MTHFD1L: variants seen among roughly 807,000 people sequenced by gnomAD.
MTHFD1L encodes the protein monofunctional C1-tetrahydrofolate synthase, mitochondrial.
Under a neutral mutation model 119.5 loss-of-function variants are expected in MTHFD1L, and 81 were observed. The ratio of observed to expected loss-of-function variants is 0.68; its 90% CI spans 0.57 to 0.82. The LOEUF (loss-of-function observed/expected upper bound fraction) is 0.82. Ranked by LOEUF, MTHFD1L falls within the 40% of genes least tolerant of loss-of-function variation. MTHFD1L has a pLI of 0.00. For missense variants in MTHFD1L, 1,125 were observed against 1,253.4 expected (o/e 0.90, Z 1.55); for synonymous variants, 430 against 475.2 (o/e 0.90, Z 1.24).
rs1231450447 is a variant in MTHFD1L, at chr6:150,922,254, G to A, written c.1034G>A (p.Arg345Gln). Residue 345 changes from arginine (R) to glutamine (Q), a missense_variant, in exon 10 of 28, where the codon CGG (arginine) becomes CAG (glutamine). By Grantham distance (43) the Arg-to-Gln change is conservative (BLOSUM62 1). Coordinates refer to ENST00000367321, the MANE Select transcript of MTHFD1L (RefSeq NM_015440.5). ...TGGCTTCGTGAACAGCAGCACAGGC[G>A]GTGGAGACTTCACTGCTTGAAACTT... is the stretch of plus-strand genomic sequence containing the variant. ...RRWLREQQHR[R>Q]WRLHCLKLQP... 6.8e-6 allele frequency: 11 copies of A among 1,613,940 alleles called. No homozygotes were observed. The highest frequency in any genetic ancestry group is 2.7e-5 in the African/African-American group (2 of 74,916).
intron 26 of MTHFD1L, among the ~76,000 whole-genome samples, chr6:151,052,255 G>T (rs1789175068): frequency 1.3e-5 from 2 of 152,194 alleles, no homozygotes; most frequent in African/African-American, 4.8e-5. Flanking sequence ...GGCCAGAGCT[G>T]AAAATTGGGG....
At chr6:151,016,140 C>A (rs990263212) in intron 24 of MTHFD1L, among the ~76,000 whole-genome samples, 2 of 152,088 alleles carry the variant, frequency 1.3e-5, no homozygotes, top group Non-Finnish European at 2.9e-5. Flanking sequence ...ATGACAAAGT[C>A]ACATTTCCAA....
At chr6:150,998,416 T>C (rs1780124629) in intron 20 of MTHFD1L, among the ~76,000 whole-genome samples, 1 of 152,158 alleles carries the variant, frequency 6.6e-6, no homozygotes, top group Admixed American at 6.6e-5. Context: ...CTAAGTTACA[T>C]TAATGGTACC....
rs1038253768 is a variant in MTHFD1L, at chr6:150,998,839, C to A, written c.2126-10980C>A. On this transcript the variant is annotated intron_variant, in intron 20 of 27. Coordinates refer to ENST00000367321, the MANE Select transcript of MTHFD1L (RefSeq NM_015440.5). Reference sequence around the variant, plus strand: ...TAAAAATACAAAAAAAAAAAAAAAACATTAGCTGGGCACGGTGGCACACAC... The same window carrying A: ...TAAAAATACAAAAAAAAAAAAAAAAAATTAGCTGGGCACGGTGGCACACAC... 1.9e-4 allele frequency among the ~76,000 whole-genome samples: 23 copies of A among 119,758 alleles called. No individual in the cohort carries two copies. In the East Asian group the frequency reaches 3.1e-3, roughly 16 times the overall value. 78.6% of individuals were successfully genotyped at this position (119,758 alleles called of 152,430 possible).
At position 150,926,119 on chromosome 6, in the gene MTHFD1L, C is replaced by T; in HGVS notation, c.1083-3C>T. ...CTCTCTTTCGTATTGTCTTTCCCCT[C>T]AGTGACATTGAGATTTCAAGAGGAC... On this transcript the variant is annotated splice_region_variant and splice_polypyrimidine_tract_variant and intron_variant, in intron 10 of 27. Coordinates refer to ENST00000367321, the MANE Select transcript of MTHFD1L (RefSeq NM_015440.5). This position sits in a 1 kb window ranked among gnomAD's most constrained non-coding sequence, Gnocchi z 4.3. 6.2e-7 allele frequency: 1 copy of T among 1,611,892 alleles called. No homozygotes were observed. The highest frequency in any genetic ancestry group is 1.1e-5 in the South Asian group (1 of 90,916).
intron 26 of MTHFD1L, among the ~76,000 whole-genome samples, chr6:151,060,053 C>A (rs1462228675): frequency 1.3e-5 from 2 of 152,126 alleles, no homozygotes; most frequent in Non-Finnish European, 2.9e-5. Context: ...GGGAAGCAAC[C>A]CTGCCATAAA....
intron 26 of MTHFD1L, 135 bp downstream of exon 26, chr6:151,037,252 A>G (rs1786323554): frequency 3.1e-6 from 3 of 974,196 alleles, no homozygotes; most frequent in East Asian, 2.5e-5. Flanking sequence ...AGTATTCGCT[A>G]TTTTTCTAAA....
chr6:151,073,328 G>T (rs1309598720), intron 26 of MTHFD1L, among the ~76,000 whole-genome samples: 1 of 152,238 alleles, frequency 6.6e-6, no homozygotes, highest in African/African-American at 2.4e-5. Context: ...AGGGAACAGT[G>T]CCTGCCTCCC....
At chr6:151,043,555 A>AT (rs1429053872) in intron 26 of MTHFD1L, among the ~76,000 whole-genome samples, 1 of 152,088 alleles carries the variant, frequency 6.6e-6, no homozygotes, top group Non-Finnish European at 1.5e-5. Context: ...ACAACAATGC[A>AT]TTTTCATAAC....
chr6:150,909,500 C>T (rs1786505516), intron 8 of MTHFD1L, among the ~76,000 whole-genome samples: 1 of 152,104 alleles, frequency 6.6e-6, no homozygotes, highest in African/African-American at 2.4e-5. Flanking sequence ...GCCTCCACCT[C>T]CAAAAAGTGC....
chr6:150,975,192 T>C (rs997242719), intron 20 of MTHFD1L, among the ~76,000 whole-genome samples: 3 of 152,262 alleles, frequency 2.0e-5, no homozygotes, highest in African/African-American at 7.2e-5. Flanking sequence ...AAATATATTT[T>C]AATGTCTAAA....
At chr6:151,050,928 G>A (rs774677112) in intron 26 of MTHFD1L, among the ~76,000 whole-genome samples, 5 of 152,084 alleles carry the variant, frequency 3.3e-5, no homozygotes, top group Non-Finnish European at 7.4e-5. Flanking sequence ...CCTCCCTCCT[G>A]GCACAAGGAT....
intron 1 of MTHFD1L, chr6:150,866,666 G>T (rs983939605): frequency 2.5e-6 from 3 of 1,185,982 alleles, no homozygotes; most frequent in Non-Finnish European, 3.1e-6. Context: ...CAGCCGCCGG[G>T]GGGAATCCGA....
At chr6:151,027,428 C>T (rs368705160) in intron 24 of MTHFD1L, among the ~76,000 whole-genome samples, 22 of 152,258 alleles carry the variant, frequency 1.4e-4, no homozygotes, top group African/African-American at 5.1e-4. Flanking sequence ...TGGGATCCTA[C>T]TTTGTGCAGG....
chr6:150,997,277 G>A (rs1158382271), intron 20 of MTHFD1L, among the ~76,000 whole-genome samples: 1 of 152,338 alleles, frequency 6.6e-6, no homozygotes, highest in African/African-American at 2.4e-5. Flanking sequence ...GGACAAGGGT[G>A]TAGGTTGCTC....
chr6:150,999,929 A>G (rs1451041520), intron 20 of MTHFD1L, among the ~76,000 whole-genome samples: 1 of 152,208 alleles, frequency 6.6e-6, no homozygotes, highest in Non-Finnish European at 1.5e-5. Flanking sequence ...CTTTTCCCAA[A>G]TACGTCCCCA....
intron 20 of MTHFD1L, among the ~76,000 whole-genome samples, chr6:150,985,919 C>T (rs577153327): frequency 6.6e-4 from 100 of 152,152 alleles, no homozygotes; most frequent in African/African-American, 2.1e-3. Flanking sequence ...AGAGAATCTT[C>T]GGTGGCATTA....
At chr6:150,947,759 C>T (rs541945737) in intron 15 of MTHFD1L, among the ~76,000 whole-genome samples, 129 of 152,252 alleles carry the variant, frequency 8.5e-4, no homozygotes, top group African/African-American at 2.2e-3. Context: ...TTCTGAGCAG[C>T]GTACATGGTG....
At chr6:151,046,471 G>GTGTGTATA (rs1171603108) in intron 26 of MTHFD1L, among the ~76,000 whole-genome samples, 5 of 36,448 alleles carry the variant, frequency 1.4e-4, no homozygotes, top group East Asian at 1.6e-3. Flanking sequence ...ATGTGTGTGT[G>GTGTGTATA]TATATATATA....
Sources: gnomAD v4.1 joint callset for allele counts (sites outside exome capture counted in the v4.1 genomes callset) on GRCh38, gnomAD v4.1.1 for gene constraint, Gnocchi (gnomAD v3.1) non-coding constraint, MANE v1.5 for transcripts, NCBI Gene and HGNC (gene_info 2026-07-23, HGNC 2026-07-21) for gene names.